The following EML1 variants were observed in gnomAD, a reference collection of about 807,000 sequenced individuals.
EML1 encodes EMAP like 1, also known as echinoderm microtubule-associated protein-like 1.
Under a neutral mutation model 110.4 loss-of-function variants are expected in EML1, and 27 were observed. That is an observed-to-expected ratio of 0.24 (90% CI 0.18 to 0.34). The LOEUF (loss-of-function observed/expected upper bound fraction) is 0.34, where lower values mean the gene tolerates loss of function less well. EML1 is among the 10% of genes least tolerant of loss of function. EML1 has a pLI of 1.00. For missense variants in EML1, 741 were observed against 1,030.9 expected (o/e 0.72, Z 3.85); for synonymous variants, 344 against 385.8 (o/e 0.89, Z 1.27).
At chr14:99,841,915 C>T (rs55778707) in intron 1 of EML1, among the ~76,000 whole-genome samples, 89 of 152,232 alleles carry the variant, frequency 5.8e-4, no homozygotes, top group Non-Finnish European at 1.1e-3. Context: ...CCAGCCCAAC[C>T]GGAGCTCCAG....
chr14:99,807,949 C>T (rs939280039), intron 1 of EML1, among the ~76,000 whole-genome samples: 5 of 152,076 alleles, frequency 3.3e-5, no homozygotes, highest in African/African-American at 9.7e-5. Flanking sequence ...CAAGAGTTTC[C>T]AGGACTCTGT....
At chr14:99,776,293 G>A (rs138009758) in intron 1 of EML1, among the ~76,000 whole-genome samples, 3 of 152,142 alleles carry the variant, frequency 2.0e-5, no homozygotes, top group Non-Finnish European at 4.4e-5. Flanking sequence ...CTGAGGGGTC[G>A]GGAGCTCGAG....
chr14:99,764,340 G>A (rs1409013030), intron 1 of EML1, among the ~76,000 whole-genome samples: 1 of 152,208 alleles, frequency 6.6e-6, no homozygotes, highest in African/African-American at 2.4e-5. Flanking sequence ...GAGGCTAAGC[G>A]ATTTGCCCAA....
chr14:99,933,326 C>T (rs772669084), intron 17 of EML1, among the ~76,000 whole-genome samples: 2 of 152,168 alleles, frequency 1.3e-5, no homozygotes, highest in African/African-American at 4.8e-5. Flanking sequence ...CAGGTGTGTG[C>T]CACTGCCTCC....
Position 99,858,059 on chromosome 14 carries a change from AG to A in EML1, c.250+7027del, listed in dbSNP as rs1297964154. ...AGAGACAGTGTTTTAACTCTGCTGC[AG>A]GGTTTCAGGTTTCTGGACAGTAGAT... On this transcript the variant is annotated intron_variant, in intron 2 of 21. Coordinates refer to ENST00000262233, the MANE Select transcript of EML1 (RefSeq NM_004434.3). 4.6e-5 allele frequency among the ~76,000 whole-genome samples: 7 copies of A among 152,300 alleles called. No individual in the cohort carries two copies. In the East Asian group the frequency reaches 7.7e-4, roughly 17 times the overall value.
chr14:99,913,678 C>T (rs988261646), intron 13 of EML1, among the ~76,000 whole-genome samples: 1 of 152,052 alleles, frequency 6.6e-6, no homozygotes. Context: ...ATCACTCACT[C>T]AACAGTTGGC....
chr14:99,874,086 A>G (rs887233475), intron 3 of EML1, among the ~76,000 whole-genome samples: 3 of 152,250 alleles, frequency 2.0e-5, no homozygotes, highest in African/African-American at 7.2e-5. Context: ...TTTGATTCCC[A>G]ATCACATGAT....
At chr14:99,884,882 G>A (rs1035274212) in intron 4 of EML1, among the ~76,000 whole-genome samples, 1 of 152,142 alleles carries the variant, frequency 6.6e-6, no homozygotes, top group African/African-American at 2.4e-5. Context: ...TGTTTTTGAT[G>A]AACTCCAGCT....
chr14:99,811,623 T>C (rs12433398), intron 1 of EML1, among the ~76,000 whole-genome samples: 58,480 of 126,778 alleles, frequency 0.46, 12,622 homozygotes, highest in South Asian at 0.61. Flanking sequence ...GGCAACACGA[T>C]AAAACCCTGT....
chr14:99,765,977 T>G (rs1337355104), intron 1 of EML1, among the ~76,000 whole-genome samples: 1 of 152,176 alleles, frequency 6.6e-6, no homozygotes, highest in African/African-American at 2.4e-5. Flanking sequence ...CATTCATGGC[T>G]AACGATTAAT....
At position 99,737,943 on chromosome 14, in the gene EML1, G is replaced by T. The variant is rs1362378045; in HGVS notation, c.28+83G>T. 5 of 1,244,310 alleles carry T rather than the reference G, an allele frequency of 4.0e-6. No individual in the cohort carries two copies. In the South Asian group the frequency reaches 6.4e-5, roughly 16 times the overall value. 77.1% of individuals were successfully genotyped at this position (1,244,310 alleles called of 1,614,324 possible). A position where few individuals can be genotyped will look rare whatever the true frequency, so the allele number is the denominator to read the frequency against. On this transcript the variant is annotated intron_variant, in intron 1 of 10. Transcript: ENST00000554479. ...AGTCGCCGAGGGCACTGGGGCCCCC[G>T]CAGGCTGCAGGCAGCTGTGAGCTGG...
At chr14:99,744,701 C>G (rs966696947) in intron 1 of EML1, among the ~76,000 whole-genome samples, 2 of 152,214 alleles carry the variant, frequency 1.3e-5, no homozygotes, top group African/African-American at 4.8e-5. Context: ...AACATCGCTC[C>G]CTCCCACGGA....
chr14:99,771,371 T>A (rs955807359), upstream of EML1, among the ~76,000 whole-genome samples: 3 of 152,238 alleles, frequency 2.0e-5, no homozygotes, highest in Non-Finnish European at 4.4e-5. Context: ...CATAACGTTT[T>A]CAAGGTTCAT....
At chr14:99,854,057 G>A (rs1010262771) in intron 2 of EML1, among the ~76,000 whole-genome samples, 1 of 152,182 alleles carries the variant, frequency 6.6e-6, no homozygotes, top group Non-Finnish European at 1.5e-5. Flanking sequence ...GTTGAGGTTT[G>A]GGTGTACAGC....
At chr14:99,809,903 C>T (rs969565035) in intron 1 of EML1, among the ~76,000 whole-genome samples, 1 of 152,182 alleles carries the variant, frequency 6.6e-6, no homozygotes, top group Non-Finnish European at 1.5e-5. Flanking sequence ...CCTGGACTTC[C>T]GTTTTAAAGT....
chr14:99,798,741 A>T (rs904207587), intron 1 of EML1, among the ~76,000 whole-genome samples: 4 of 152,094 alleles, frequency 2.6e-5, no homozygotes, highest in African/African-American at 9.7e-5. Context: ...ATTTCTTGTC[A>T]CATCACATTA....
rs141730630 is a variant in EML1, at chr14:99,880,962, CTTT to C, written c.518+2346_518+2348del. Among the ~76,000 whole-genome samples the C allele has an allele frequency of 1.2e-3, 185 of 152,322 alleles. 1 individual carries two copies. The highest frequency in any genetic ancestry group is 4.0e-3 in the African/African-American group (167 of 41,558). On this transcript the variant is annotated intron_variant, in intron 4 of 21. Coordinates refer to ENST00000262233, the MANE Select transcript of EML1 (RefSeq NM_004434.3). ...CAGTGAGATTTTCTACAATTCCTCA[CTTT>C]TTATTTTCCTCATTTGTAAGATGAA...
intron 1 of EML1, among the ~76,000 whole-genome samples, chr14:99,738,339 C>T (rs2056994508): frequency 6.6e-6 from 1 of 152,224 alleles, no homozygotes; most frequent in African/African-American, 2.4e-5. Flanking sequence ...CCTCTGTGTG[C>T]CCTCATATCC....
intron 4 of EML1, among the ~76,000 whole-genome samples, chr14:99,879,438 G>GT (rs1242393727): frequency 5.4e-5 from 8 of 149,178 alleles, no homozygotes; most frequent in South Asian, 2.4e-4. Context: ...CTAAGCATGT[G>GT]TTTTTTTTCC....
Sources: gnomAD v4.1 joint callset for allele counts (sites outside exome capture counted in the v4.1 genomes callset) on GRCh38, gnomAD v4.1.1 for gene constraint, MANE v1.5 for transcripts, NCBI Gene and HGNC (gene_info 2026-07-23, HGNC 2026-07-21) for gene names.